TBC1D10B: variants seen among roughly 807,000 people sequenced by gnomAD.
The protein encoded by TBC1D10B is Rab27A-GAPbeta.
A neutral mutation model predicts 78.4 loss-of-function variants in TBC1D10B; 25 were observed. The ratio of observed to expected loss-of-function variants is 0.32; its 90% confidence interval spans 0.23 to 0.45. The LOEUF (loss-of-function observed/expected upper bound fraction) is 0.45, where lower values mean the gene tolerates loss of function less well. Ranked by LOEUF, TBC1D10B falls within the 20% of genes least tolerant of loss-of-function variation. The pLI is 1.00. For synonymous variants in TBC1D10B, 517 were observed against 478.0 expected (o/e 1.08, Z -1.06); for missense variants, 996 against 1,104.8 (o/e 0.90, Z 1.40).
In TBC1D10B at chr16:30,358,146, C is replaced by A. The variant is rs144176745; in HGVS notation, c.2225G>T (p.Arg742Leu). ...EKERQKQEKEREKERQKQEKE... is the reference protein window; with the variant it reads ...EKERQKQEKELEKERQKQEKE... ...CTCCTGCTTCTGCCGCTCCTTCTCC[C>A]GCTCCTTCTCCTGTTTCTGCCGCTC... is the stretch of plus-strand genomic sequence containing the variant. Residue 742 changes from arginine (R) to leucine (L), a missense_variant, in exon 9 of 9, where the codon CGG becomes CTG. Around this residue, in one of 5 missense-constraint regions of TBC1D10B, gnomAD observed 285 missense variants for 252.5 expected, o/e 1.13. Coordinates refer to ENST00000409939, the MANE Select transcript of TBC1D10B (RefSeq NM_015527.4). The A allele has an allele frequency of 2.4e-3, 3,656 of 1,549,474 alleles. 4 individuals are homozygous for A. The highest frequency in any genetic ancestry group is 3.0e-3 in the Non-Finnish European group (3,413 of 1,145,256).
At position 30,369,170 on chromosome 16, in the gene TBC1D10B, C is replaced by T. The variant is rs1204204139; in HGVS notation, c.956+58G>A. The T allele has an allele frequency of 1.2e-5, 18 of 1,476,074 alleles. No individual in the cohort carries two copies. The highest frequency in any genetic ancestry group is 1.4e-5 in the Non-Finnish European group (15 of 1,107,204). 91.4% of individuals were successfully genotyped at this position (1,476,074 alleles called of 1,614,324 possible). On this transcript the variant is annotated intron_variant, in intron 1 of 8. Coordinates refer to ENST00000409939, the MANE Select transcript of TBC1D10B (RefSeq NM_015527.4). The surrounding 1 kb of genome is among the most constrained non-coding windows in gnomAD (Gnocchi z 4.3). ...GGCAAAGTGTATCGTTTTCGTTTCGCCCTCCCCCAACCTTTGCTTCCCCGA... is the reference window on the plus strand; with the variant it reads ...GGCAAAGTGTATCGTTTTCGTTTCGTCCTCCCCCAACCTTTGCTTCCCCGA...
Position 30,369,978 on chromosome 16 carries a change from G to C in TBC1D10B, c.206C>G (p.Thr69Ser). The C allele has an allele frequency of 1.6e-6, 2 of 1,250,376 alleles. No individual in the cohort carries two copies. Among genetic ancestry groups the C allele is most frequent in the Non-Finnish European group, 2.0e-6 (2 of 998,528 alleles). 77.5% of individuals were successfully genotyped at this position (1,250,376 alleles called of 1,614,324 possible). ...RPAWVPGSAETSAPAPAPAPA... is the reference protein window; with the variant it reads ...RPAWVPGSAESSAPAPAPAPA... ...GGCTGGGGCCGGGGCCGGAGCAGAG[G>C]TCTCGGCCGACCCCGGGACCCAGGC... Residue 69 changes from threonine (T) to serine (S), a missense_variant, in exon 1 of 9, where the codon ACC (threonine) becomes AGC (serine). Coordinates refer to ENST00000409939, the MANE Select transcript of TBC1D10B (RefSeq NM_015527.4). The surrounding 1 kb of genome is among the most constrained non-coding windows in gnomAD (Gnocchi z 4.3).
In TBC1D10B at chr16:30,370,048, T is replaced by G. The variant is rs2049675058; in HGVS notation, c.136A>C (p.Thr46Pro). 14 of 1,229,272 alleles carry G rather than the reference T, an allele frequency of 1.1e-5. No individual in the cohort carries two copies. Among genetic ancestry groups the G allele is most frequent in the Non-Finnish European group, 1.4e-5 (14 of 986,310 alleles). 76.1% of individuals were successfully genotyped at this position (1,229,272 alleles called of 1,614,324 possible). A position where few individuals can be genotyped will look rare whatever the true frequency, so the allele number is the denominator to read the frequency against. Residue 46 changes from threonine to proline, a missense_variant, in exon 1 of 9, where the codon ACT (threonine) becomes CCT (proline). Coordinates refer to ENST00000409939, the MANE Select transcript of TBC1D10B (RefSeq NM_015527.4). ...VAPGPPVTTA[T>P]SAPVTLVAPG... is the part of the protein sequence containing the mutation. ...GCCACCAGGGTGACGGGGGCCGAAG[T>G]GGCCGTAGTCACTGGAGGTCCCGGA...
At chr16:30,364,457 A>G (rs1266216287) in intron 4 of TBC1D10B, among the ~76,000 whole-genome samples, 1 of 152,118 alleles carries the variant, frequency 6.6e-6, no homozygotes, top group Admixed American at 6.6e-5. Context: ...CAAAACAAAA[A>G]AAAGTCCATC....
chr16:30,365,322 G>T lies in TBC1D10B; in HGVS notation c.1057-110C>A. ...TACTCCTCCGACATCCCATAGGCTT[G>T]ATTCCACTGGACCTGGCCTGGACTT... On this transcript the variant is annotated intron_variant, in intron 2 of 8. Transcript: ENST00000409939. The surrounding 1 kb of genome is among the most constrained non-coding windows in gnomAD (Gnocchi z 5.0). 2.4e-6 allele frequency: 3 copies of T among 1,225,018 alleles called. No individual in the cohort carries two copies. Among genetic ancestry groups the T allele is most frequent in the East Asian group, 4.8e-5 (2 of 41,666 alleles). 75.9% of individuals were successfully genotyped at this position (1,225,018 alleles called of 1,614,324 possible).
At chr16:30,367,373 T>C (rs1281492348) in intron 1 of TBC1D10B, 1 of 152,222 alleles carries the variant, frequency 6.6e-6, no homozygotes, top group Admixed American at 6.5e-5. Flanking sequence ...CTCATTAATT[T>C]CTATCATAAG....
intron 4 of TBC1D10B, among the ~76,000 whole-genome samples, chr16:30,360,910 C>T (rs1186706898): frequency 6.6e-6 from 1 of 152,056 alleles, no homozygotes; most frequent in African/African-American, 2.4e-5. Flanking sequence ...AACAACCCTC[C>T]CCTTGCTCCT....
Position 30,365,586 on chromosome 16 carries a change from G to A in TBC1D10B, c.965C>T (p.Ser322Phe). 1.2e-6 allele frequency: 2 copies of A among 1,613,948 alleles called. No individual in the cohort carries two copies. Among genetic ancestry groups the A allele is most frequent in the Non-Finnish European group, 1.7e-6 (2 of 1,179,888 alleles). ...GSQYSGSLES[S>F]IPVDVARQRE... is the part of the protein sequence containing the mutation. ...CTGCCGAGCCACGTCCACGGGAATG[G>A]AGCTCTCTCTGCAGGGTCGGGGGAG... The change falls in exon 2 of 9, where the codon TCC becomes TTC. Residue 322 changes from serine (S) to phenylalanine (F), a missense_variant. Physicochemically the swap from Ser to Phe is radical, Grantham distance 155. Transcript: ENST00000409939. The surrounding 1 kb of genome is among the most constrained non-coding windows in gnomAD (Gnocchi z 5.0).
chr16:30,359,448 G>A (rs2151100750), intron 6 of TBC1D10B, 87 bp from the exon 7 acceptor site: 12 of 1,546,404 alleles, frequency 7.8e-6, no homozygotes, highest in South Asian at 4.8e-5. Flanking sequence ...GGCAGAAGCC[G>A]GGAAGGCCAG....
rs1443403397 is a variant in TBC1D10B at position 30,360,037 on chromosome 16, C to A, written c.1272-196G>T. 2.8e-5 allele frequency: 16 copies of A among 578,784 alleles called. No individual in the cohort carries two copies. The East Asian group carries it at 4.0e-4, about 15-fold the overall frequency. The allele number at this position is 578,784 out of a possible 1,614,324, so 35.9% of individuals were successfully genotyped here. ...CCGGGGCTCCGCCTTTGGCTACATA[C>A]TCCACATGCTCCTGGCCATCCCAGC... is the stretch of plus-strand genomic sequence containing the variant. On this transcript the variant is annotated intron_variant, in intron 4 of 8. Coordinates refer to ENST00000409939, the MANE Select transcript of TBC1D10B (RefSeq NM_015527.4).
At position 30,369,885 on chromosome 16, in the gene TBC1D10B, G is replaced by T; in HGVS notation, c.299C>A (p.Ala100Asp). ...GCCGGAGGGGAGCTGCGGCTTTGGG[G>T]CTTCGGGCGAGGCCTCCAGGGTCAG... ...VVLTLEASPE[A>D]PKPQLPSGPE... is the part of the protein sequence containing the mutation. The change falls in exon 1 of 9, where the codon GCC (alanine) becomes GAC (aspartate). Residue 100 changes from alanine (A) to aspartate (D), a missense_variant. Ala to Asp is a moderately radical substitution (Grantham distance 126). Around this residue, in one of 5 missense-constraint regions of TBC1D10B, gnomAD observed 448 missense variants for 442.1 expected, o/e 1.01. Coordinates refer to ENST00000409939, the MANE Select transcript of TBC1D10B (RefSeq NM_015527.4). The surrounding 1 kb of genome is among the most constrained non-coding windows in gnomAD (Gnocchi z 4.3). 7.2e-7 allele frequency: 1 copy of T among 1,394,894 alleles called. No individual in the cohort carries two copies. 86.4% of individuals were successfully genotyped at this position (1,394,894 alleles called of 1,614,324 possible). A position where few individuals can be genotyped will look rare whatever the true frequency, so the allele number is the denominator to read the frequency against.
Position 30,370,130 on chromosome 16 carries a change from G to A in TBC1D10B, c.54C>T (p.Pro18=). The part of the protein sequence containing the change: ...LVAPPRRHGA[P]AAPSPPPRGS... ...CCCGGGGCGGCGGCGAGGGGGCCGC[G>A]GGGGCGCCATGACGGCGCGGCGGGG... The change falls in exon 1 of 9, where the codon CCC becomes CCT. Residue 18 remains proline, a synonymous_variant. Coordinates refer to ENST00000409939, the MANE Select transcript of TBC1D10B (RefSeq NM_015527.4). The A allele has an allele frequency of 8.3e-7, 1 of 1,208,916 alleles. No individual in the cohort carries two copies. The highest frequency in any genetic ancestry group is 1.0e-6 in the Non-Finnish European group (1 of 973,292). The allele number at this position is 1,208,916 out of a possible 1,614,324, so 74.9% of individuals were successfully genotyped here. A position where few individuals can be genotyped will look rare whatever the true frequency, so the allele number is the denominator to read the frequency against.
chr16:30,359,887 C>T, intron 4 of TBC1D10B, 46 bp from the exon 5 acceptor site: 10 of 1,493,434 alleles, frequency 6.7e-6, no homozygotes, highest in Non-Finnish European at 8.2e-6. Context: ...GGGCTGAGAG[C>T]TCTGTCCCCA....
chr16:30,364,765 G>C lies in TBC1D10B; in HGVS notation c.1271+135C>G. 9.4e-6 allele frequency: 7 copies of C among 741,862 alleles called. No individual in the cohort carries two copies. The South Asian group carries it at 1.1e-4, about 11-fold the overall frequency. 46.0% of individuals were successfully genotyped at this position (741,862 alleles called of 1,614,324 possible). ...TTCCTTTGACATGGCTTGACACTTA[G>C]TCCATTACAGATAGCTCTTCTACAA... On this transcript the variant is annotated intron_variant, in intron 4 of 8. Transcript: ENST00000409939.
At position 30,370,299 on chromosome 16, in the gene TBC1D10B, G is replaced by T; in HGVS notation, c.-116C>A. On this transcript the variant is annotated 5_prime_UTR_variant, in exon 1 of 9. Coordinates refer to ENST00000409939, the MANE Select transcript of TBC1D10B (RefSeq NM_015527.4). ...GAGAGGGCGAAGGGCGCGGCTCGGCGCGCGCCGGGGGCGGAGCGGCCGCTG... is the reference window on the plus strand; with the variant it reads ...GAGAGGGCGAAGGGCGCGGCTCGGCTCGCGCCGGGGGCGGAGCGGCCGCTG... 2.2e-6 allele frequency: 1 copy of T among 454,248 alleles called. No homozygotes were observed. Among genetic ancestry groups the T allele is most frequent in the Non-Finnish European group, 3.1e-6 (1 of 326,762 alleles). The allele number at this position is 454,248 out of a possible 1,614,324, so 28.1% of individuals were successfully genotyped here.
At position 30,365,088 on chromosome 16, in the gene TBC1D10B, C is replaced by A. The variant is rs1243151499; in HGVS notation, c.1164+17G>T. The stretch of plus-strand genomic sequence containing the variant: ...CAGACAGGGCCACATGTCCCCACAC[C>A]TTGGAGCTGCACGCACCTCAAACTT... On this transcript the variant is annotated intron_variant, in intron 3 of 8. Coordinates refer to ENST00000409939, the MANE Select transcript of TBC1D10B (RefSeq NM_015527.4). This position sits in a 1 kb window ranked among gnomAD's most constrained non-coding sequence, Gnocchi z 5.0. The A allele has an allele frequency of 6.2e-7, 1 of 1,613,262 alleles. No individual in the cohort carries two copies. The highest frequency in any genetic ancestry group is 2.2e-5 in the East Asian group (1 of 44,878).
chr16:30,359,525 T>G lies in TBC1D10B; in HGVS notation c.1452+13A>C. The stretch of plus-strand genomic sequence containing the variant: ...GCCACAGCCCCGGATGCACCCAGCC[T>G]CCAGACACTCACCAGCCCTGCACTG... On this transcript the variant is annotated intron_variant, in intron 6 of 8. Transcript: ENST00000409939. The G allele has an allele frequency of 6.4e-7, 1 of 1,556,074 alleles. No individual in the cohort carries two copies. The highest frequency in any genetic ancestry group is 8.7e-7 in the Non-Finnish European group (1 of 1,149,670).
chr16:30,361,597 G>A (rs993926972), intron 4 of TBC1D10B, among the ~76,000 whole-genome samples: 3 of 151,788 alleles, frequency 2.0e-5, no homozygotes, highest in Non-Finnish European at 4.4e-5. Context: ...TAGAGACGGG[G>A]TTTCTCCATA....
At chr16:30,364,503 T>C (rs570663128) in intron 4 of TBC1D10B, among the ~76,000 whole-genome samples, 17 of 152,278 alleles carry the variant, frequency 1.1e-4, no homozygotes, top group Non-Finnish European at 1.9e-4. Context: ...TGCATACTAC[T>C]AGAGAAGAGT....
Sources: gnomAD v4.1 joint callset for allele counts (sites outside exome capture counted in the v4.1 genomes callset) on GRCh38, gnomAD v4.1.1 for gene constraint, gnomAD v4.1.1 regional missense constraint, Gnocchi (gnomAD v3.1) non-coding constraint, MANE v1.5 for transcripts, NCBI Gene and HGNC (gene_info 2026-07-23, HGNC 2026-07-21) for gene names.